Variants in TMEFF2 observed in about 807,000 individuals in gnomAD.
The protein encoded by TMEFF2 is transmembrane protein with EGF like and two follistatin like domains 2.
TMEFF2 carries 28 observed loss-of-function variants against 53.8 expected under a neutral mutation model. That is an observed-to-expected ratio of 0.52 (90% CI 0.39 to 0.71). TMEFF2 has a LOEUF of 0.71. Among genes scored for constraint, TMEFF2 ranks in the 30% least tolerant of loss-of-function variants. TMEFF2 has a pLI of 0.00. For synonymous variants in TMEFF2, 162 were observed against 166.3 expected, an observed-to-expected ratio of 0.97 and a Z score of 0.20; for missense variants, 353 against 455.2, an observed-to-expected ratio of 0.78 and a Z score of 2.04.
intron 7 of TMEFF2, among the ~76,000 whole-genome samples, chr2:191,958,867 A>G (rs1692184016): frequency 6.6e-6 from 1 of 152,218 alleles, no homozygotes; most frequent in East Asian, 1.9e-4. Context: ...CAACAAATTT[A>G]TAGTCAATCC....
At chr2:192,116,694 T>C (rs1689414516) in intron 4 of TMEFF2, among the ~76,000 whole-genome samples, 1 of 152,110 alleles carries the variant, frequency 6.6e-6, no homozygotes, top group Non-Finnish European at 1.5e-5. Context: ...CTACTTGTAT[T>C]TTAAAAAGTA....
At chr2:192,027,428 A>G (rs1306525773) in intron 5 of TMEFF2, among the ~76,000 whole-genome samples, 1 of 152,248 alleles carries the variant, frequency 6.6e-6, no homozygotes. Context: ...TAAGGAGATT[A>G]TCACATAGAA....
In TMEFF2 at chr2:191,984,665, C is replaced by G. The variant is rs532685787; in HGVS notation, c.745+13597G>C. ...ACTAACATAGTATACTTTGTGCACA[C>G]ATTCTGAAACATTCTAAACATGTTG... On this transcript the variant is annotated intron_variant, in intron 7 of 9. Transcript: ENST00000272771. Among the ~76,000 whole-genome samples the G allele has an allele frequency of 6.6e-5, 10 of 150,590 alleles. No individual in the cohort carries two copies. The South Asian group carries it at 2.1e-3, about 31-fold the overall frequency.
At chr2:192,114,064 TTGTGTGTGTGTGTG>T (rs34553641) in intron 4 of TMEFF2, among the ~76,000 whole-genome samples, 59 of 143,164 alleles carry the variant, frequency 4.1e-4, no homozygotes, top group African/African-American at 1.2e-3. Context: ...AATCTGGAAA[TTGTGTGTGTGTGTG>T]TGTGTGTGTG....
intron 4 of TMEFF2, among the ~76,000 whole-genome samples, chr2:192,135,079 C>T (rs1302779534): frequency 6.6e-6 from 1 of 151,806 alleles, no homozygotes; most frequent in South Asian, 2.1e-4. Context: ...ATTCCAGACA[C>T]CGGACCAACT....
At chr2:192,087,783 C>G (rs1222511092) in intron 4 of TMEFF2, among the ~76,000 whole-genome samples, 1 of 152,120 alleles carries the variant, frequency 6.6e-6, no homozygotes, top group African/African-American at 2.4e-5. Flanking sequence ...TTGACTGACT[C>G]AGATCCCTGT....
intron 5 of TMEFF2, among the ~76,000 whole-genome samples, chr2:192,054,804 C>T (rs943921380): frequency 6.6e-6 from 1 of 152,018 alleles, no homozygotes; most frequent in African/African-American, 2.4e-5. Context: ...CTTGGTCCTG[C>T]CACTTTAACA....
intron 5 of TMEFF2, among the ~76,000 whole-genome samples, chr2:192,035,637 TCTAA>T (rs1160155879): frequency 6.6e-6 from 1 of 152,190 alleles, no homozygotes; most frequent in Non-Finnish European, 1.5e-5. Flanking sequence ...CACCCAGCAG[TCTAA>T]CTTTTTGCGA....
intron 4 of TMEFF2, among the ~76,000 whole-genome samples, chr2:192,174,030 T>C (rs1690978412): frequency 6.6e-6 from 1 of 151,810 alleles, no homozygotes; most frequent in Admixed American, 6.6e-5. Context: ...ACTGTTTCAC[T>C]GACAAAATAA....
intron 4 of TMEFF2, among the ~76,000 whole-genome samples, chr2:192,175,186 C>G (rs1003101307): frequency 6.6e-6 from 1 of 151,568 alleles, no homozygotes; most frequent in African/African-American, 2.4e-5. Context: ...TCCTTCAAGT[C>G]AACCAAATTA....
intron 4 of TMEFF2, among the ~76,000 whole-genome samples, chr2:192,064,492 C>T (rs1043311084): frequency 7.9e-5 from 12 of 151,782 alleles, no homozygotes; most frequent in Non-Finnish European, 1.3e-4. Context: ...AATGATTTGA[C>T]GTCTGTTCTG....
chr2:192,116,017 T>G (rs555041978), intron 4 of TMEFF2, among the ~76,000 whole-genome samples: 82 of 152,118 alleles, frequency 5.4e-4, no homozygotes, highest in Non-Finnish European at 2.9e-5. Context: ...CACCACCTCA[T>G]AAACTATCTG....
chr2:192,157,219 GGT>G (rs1163549915), intron 4 of TMEFF2, among the ~76,000 whole-genome samples: 1 of 151,952 alleles, frequency 6.6e-6, no homozygotes, highest in Non-Finnish European at 1.5e-5. Flanking sequence ...GTCTGACTGA[GGT>G]AAAGTGGCAA....
At chr2:192,008,651 G>A (rs900705663) in intron 5 of TMEFF2, among the ~76,000 whole-genome samples, 2 of 152,104 alleles carry the variant, frequency 1.3e-5, no homozygotes, top group African/African-American at 4.8e-5. Context: ...AGAATAAAAA[G>A]TTGGAAGGAA....
At chr2:192,026,896 C>T (rs1459667817) in intron 5 of TMEFF2, among the ~76,000 whole-genome samples, 1 of 152,240 alleles carries the variant, frequency 6.6e-6, no homozygotes, top group Non-Finnish European at 1.5e-5. Context: ...TTTGCTCACA[C>T]AATGCCTGAC....
intron 4 of TMEFF2, among the ~76,000 whole-genome samples, chr2:192,150,364 A>G (rs910655939): frequency 6.6e-6 from 1 of 151,868 alleles, no homozygotes; most frequent in Admixed American, 6.6e-5. Flanking sequence ...GTGTTTCACA[A>G]TTCACTTGTA....
chr2:192,101,860 A>C (rs1337951008), intron 4 of TMEFF2, among the ~76,000 whole-genome samples: 1 of 152,234 alleles, frequency 6.6e-6, no homozygotes, highest in East Asian at 1.9e-4. Flanking sequence ...CAGGTCCACA[A>C]AAACAAGTAT....
chr2:192,060,884 C>T (rs919784433), intron 4 of TMEFF2, among the ~76,000 whole-genome samples: 4 of 152,036 alleles, frequency 2.6e-5, no homozygotes, highest in African/African-American at 9.7e-5. Context: ...TAGGTTTTGG[C>T]AAGCGATTGA....
chr2:192,188,163 C>T (rs1037827084), intron 2 of TMEFF2, among the ~76,000 whole-genome samples: 9 of 152,182 alleles, frequency 5.9e-5, no homozygotes, highest in Non-Finnish European at 1.0e-4. Flanking sequence ...TTTTACTTTT[C>T]TGTGATTTAT....
Sources: gnomAD v4.1 joint callset for allele counts (sites outside exome capture counted in the v4.1 genomes callset) on GRCh38, gnomAD v4.1.1 for gene constraint, MANE v1.5 for transcripts, NCBI Gene and HGNC (gene_info 2026-07-23, HGNC 2026-07-21) for gene names.